The following PPARGC1A variants were observed in gnomAD, a reference collection of about 807,000 sequenced individuals.
PPARGC1A encodes peroxisome proliferator-activated receptor gamma coactivator 1-alpha.
Under a neutral mutation model 88.7 loss-of-function variants are expected in PPARGC1A, and 25 were observed. The observed-to-expected ratio is 0.28, with a 90% confidence interval of 0.21 to 0.39. The LOEUF is 0.39. PPARGC1A is among the 10% of genes least tolerant of loss of function. The probability of loss-of-function intolerance (pLI) is 1.00; values close to 1 mark genes in which losing one functional copy is unlikely to be tolerated. For synonymous variants in PPARGC1A, 363 were observed against 355.6 expected, an observed-to-expected ratio of 1.02 and a Z score of -0.24; for missense variants, 880 against 968.7, an observed-to-expected ratio of 0.91 and a Z score of 1.22.
chr4:24,098,963 C>T, the PPARGC1A span, among the ~76,000 whole-genome samples: 1 of 152,102 alleles, frequency 6.6e-6, no homozygotes, highest in Admixed American at 6.6e-5. Context: ...ATCATCCTTC[C>T]CAATTCAGTA....
the PPARGC1A span, among the ~76,000 whole-genome samples, chr4:24,339,233 T>TAC: frequency 2.9e-3 from 341 of 119,300 alleles, 3 homozygotes; most frequent in Admixed American, 4.3e-3. Flanking sequence ...TATATATATA[T>TAC]ATATACACAC....
intron 2 of PPARGC1A, among the ~76,000 whole-genome samples, chr4:23,863,109 T>G (rs1301852354): frequency 1.3e-5 from 2 of 152,142 alleles, no homozygotes; most frequent in Non-Finnish European, 2.9e-5. Context: ...ACATCCAACC[T>G]ATCACTTAAT....
chr4:24,452,711 A>C, the PPARGC1A span, among the ~76,000 whole-genome samples: 1 of 152,218 alleles, frequency 6.6e-6, no homozygotes, highest in Non-Finnish European at 1.5e-5. Context: ...ATGTGCTGGA[A>C]ACACAAGGAT....
At chr4:24,200,548 T>C in the PPARGC1A span, among the ~76,000 whole-genome samples, 1 of 150,316 alleles carries the variant, frequency 6.7e-6, no homozygotes, top group Non-Finnish European at 1.5e-5. Context: ...AAAACACATG[T>C]AGCTTTCTAT....
chr4:24,467,968 C>T, the PPARGC1A span, among the ~76,000 whole-genome samples: 4 of 152,288 alleles, frequency 2.6e-5, no homozygotes, highest in South Asian at 4.1e-4. Context: ...GGTTAAGCTA[C>T]CCAGTAACCA....
the PPARGC1A span, among the ~76,000 whole-genome samples, chr4:23,952,583 C>T: frequency 2.6e-5 from 4 of 152,156 alleles, 1 homozygote; most frequent in East Asian, 7.8e-4. Context: ...TTACCTTTGG[C>T]CCTAGGAGAG....
At chr4:24,212,751 G>A in the PPARGC1A span, among the ~76,000 whole-genome samples, 3 of 152,294 alleles carry the variant, frequency 2.0e-5, no homozygotes, top group Non-Finnish European at 4.4e-5. Flanking sequence ...GCAAGCATCT[G>A]CTTTAAGACA....
the PPARGC1A span, among the ~76,000 whole-genome samples, chr4:24,463,316 T>G: frequency 6.6e-6 from 1 of 152,230 alleles, no homozygotes; most frequent in Non-Finnish European, 1.5e-5. Context: ...ACTCTTCAGA[T>G]TCCCACTTTT....
the PPARGC1A span, among the ~76,000 whole-genome samples, chr4:24,393,917 G>T: frequency 4.6e-5 from 7 of 152,170 alleles, no homozygotes; most frequent in African/African-American, 1.7e-4. Flanking sequence ...CCAGGAGTTT[G>T]AGACCAGCCT....
the PPARGC1A span, among the ~76,000 whole-genome samples, chr4:24,142,425 C>A: frequency 8.1e-4 from 122 of 151,508 alleles, no homozygotes; most frequent in African/African-American, 2.7e-3. Flanking sequence ...ATAATCCCAG[C>A]ACTTTGGAAG....
chr4:23,932,913 T>A, the PPARGC1A span, among the ~76,000 whole-genome samples: 1 of 152,162 alleles, frequency 6.6e-6, no homozygotes, highest in South Asian at 2.1e-4. Context: ...AGTCTCGCCG[T>A]TCTAAGCTGT....
At chr4:24,391,564 A>C in the PPARGC1A span, among the ~76,000 whole-genome samples, 1 of 152,196 alleles carries the variant, frequency 6.6e-6, no homozygotes, top group Non-Finnish European at 1.5e-5. Flanking sequence ...TGGTCCCTTG[A>C]GAATACATTT....
At chr4:24,286,906 C>CA in the PPARGC1A span, among the ~76,000 whole-genome samples, 1 of 152,078 alleles carries the variant, frequency 6.6e-6, no homozygotes, top group Non-Finnish European at 1.5e-5. Context: ...CAAGCTTCCT[C>CA]ACACAGGCCA....
At chr4:24,244,979 G>C in the PPARGC1A span, among the ~76,000 whole-genome samples, 2 of 151,588 alleles carry the variant, frequency 1.3e-5, no homozygotes, top group Non-Finnish European at 2.9e-5. Flanking sequence ...TTTAAGAATG[G>C]AGAAAAAAAG....
intron 2 of PPARGC1A, among the ~76,000 whole-genome samples, chr4:23,868,943 T>C (rs1712663351): frequency 6.6e-6 from 1 of 152,226 alleles, no homozygotes. Flanking sequence ...CACCTTATTT[T>C]ATCCCTGCTT....
At chr4:24,214,847 A>G in the PPARGC1A span, among the ~76,000 whole-genome samples, 1 of 152,194 alleles carries the variant, frequency 6.6e-6, no homozygotes, top group Non-Finnish European at 1.5e-5. Flanking sequence ...AATGCCCGAG[A>G]CCAAAAGGAG....
At chr4:24,191,523 T>C in the PPARGC1A span, among the ~76,000 whole-genome samples, 2 of 152,342 alleles carry the variant, frequency 1.3e-5, no homozygotes, top group African/African-American at 4.8e-5. Flanking sequence ...GATTTTCAGC[T>C]GCTTGGATGG....
At chr4:24,077,565 T>C in the PPARGC1A span, among the ~76,000 whole-genome samples, 2,804 of 151,616 alleles carry the variant, frequency 0.018, 91 homozygotes, top group African/African-American at 0.065. Flanking sequence ...TCTTCCTGAA[T>C]ATTTTAGTAG....
chr4:23,954,279 G>C, the PPARGC1A span, among the ~76,000 whole-genome samples: 1,953 of 152,110 alleles, frequency 0.013, 36 homozygotes, highest in African/African-American at 0.045. Flanking sequence ...TAACTGTGTT[G>C]ATACAGTTTT....
Sources: allele counts gnomAD v4.1 joint callset (sites outside exome capture counted in the v4.1 genomes callset), GRCh38; gene constraint gnomAD v4.1.1; transcripts MANE v1.5; gene names NCBI Gene and HGNC (gene_info 2026-07-23, HGNC 2026-07-21).